The following YAE1 variants were observed in gnomAD, a reference collection of about 807,000 sequenced individuals.
The protein encoded by YAE1 is YAE1 maturation factor of ABCE1, also known as protein YAE1 homolog.
YAE1 carries 22 observed loss-of-function variants against 23.0 expected under a neutral mutation model. That is an observed-to-expected ratio of 0.96 (90% confidence interval 0.68 to 1.37). The LOEUF is 1.37. Among genes scored for constraint, YAE1 ranks in the 40% most tolerant of loss-of-function variants. YAE1 has a pLI of 0.00. For synonymous variants in YAE1, 101 were observed against 97.0 expected (o/e 1.04, Z -0.24); for missense variants, 260 against 262.1 (o/e 0.99, Z 0.06).
chr7:39,572,574 A>G lies in YAE1; in HGVS notation c.549A>G (p.Val183=). Residue 183 remains valine, a synonymous_variant, in exon 3 of 3, where the codon GTA becomes GTG. Transcript: ENST00000223273. The part of the protein sequence containing the change: ...KSHSGIDCSY[V]ECCRTQEHAH... ...ATAGTGGGATAGATTGTTCATATGTAGAATGTTGTAGAACACAGGAGCATG... is the reference window on the plus strand; with the variant it reads ...ATAGTGGGATAGATTGTTCATATGTGGAATGTTGTAGAACACAGGAGCATG... The G allele has an allele frequency of 6.2e-7, 1 of 1,614,152 alleles. No individual in the cohort carries two copies. The highest frequency in any genetic ancestry group is 1.1e-5 in the South Asian group (1 of 91,076).
At chr7:39,610,324 A>G, downstream of YAE1, 1 of 484,998 alleles carries the variant, frequency 2.1e-6, no homozygotes, top group Non-Finnish European at 4.0e-6. Context: ...ACCTCAAGGC[A>G]TGGTTGCTAT....
intron 2 of YAE1, among the ~76,000 whole-genome samples, chr7:39,586,365 G>A (rs1348104013): frequency 6.7e-5 from 10 of 150,174 alleles, no homozygotes; most frequent in African/African-American, 2.2e-4. Flanking sequence ...ATAGAGACGG[G>A]GTTTCACCGT....
intron 2 of YAE1, among the ~76,000 whole-genome samples, chr7:39,595,938 C>T (rs1245914286): frequency 6.6e-6 from 1 of 152,184 alleles, no homozygotes; most frequent in Admixed American, 6.5e-5. Context: ...ATATATACAG[C>T]AGTTATTTCT....
chr7:39,570,440 C>G (rs1790546973), intron 1 of YAE1, 66 bp from the exon 2 acceptor site: 2 of 1,579,186 alleles, frequency 1.3e-6, no homozygotes, highest in Non-Finnish European at 1.7e-6. Context: ...TGGTTCTGTA[C>G]TTTTCTAGAA....
intron 1 of YAE1, chr7:39,569,330 A>C: frequency 3.1e-6 from 1 of 325,168 alleles, no homozygotes; most frequent in Non-Finnish European, 6.2e-6. Context: ...AGAAATAATC[A>C]GTCTTCTGTT....
intron 2 of YAE1, among the ~76,000 whole-genome samples, chr7:39,586,739 C>T (rs1790823321): frequency 1.3e-5 from 2 of 152,114 alleles, no homozygotes; most frequent in African/African-American, 4.8e-5. Context: ...CCTCGTGATC[C>T]GCTCACCTCG....
At chr7:39,606,996 T>C (rs551565170) in intron 2 of YAE1, among the ~76,000 whole-genome samples, 178 of 152,364 alleles carry the variant, frequency 1.2e-3, no homozygotes, top group African/African-American at 3.8e-3. Flanking sequence ...TCTAGTGGTT[T>C]GCTTGCTATC....
At chr7:39,604,623 A>G (rs1320353716) in intron 2 of YAE1, among the ~76,000 whole-genome samples, 1 of 152,228 alleles carries the variant, frequency 6.6e-6, no homozygotes, top group Non-Finnish European at 1.5e-5. Flanking sequence ...AACTTGAAAT[A>G]ATATTAAGGC....
chr7:39,566,474 T>A lies in YAE1; in HGVS notation c.56T>A (p.Val19Glu). The A allele has an allele frequency of 6.2e-7, 1 of 1,614,078 alleles. No individual in the cohort carries two copies. The highest frequency in any genetic ancestry group is 8.5e-7 in the Non-Finnish European group (1 of 1,180,004). ...LIQGPGDKGDVFDEEADESLL... is the reference protein window; with the variant it reads ...LIQGPGDKGDEFDEEADESLL... ...CAGGGCCCTGGAGACAAAGGGGACG[T>A]GTTTGACGAAGAAGCAGACGAGTCG... is the stretch of plus-strand genomic sequence containing the variant. The change falls in exon 1 of 3, where the codon GTG (valine) becomes GAG (glutamate). Residue 19 changes from valine to glutamate, a missense_variant. Val to Glu is a moderately radical substitution (Grantham distance 121). Transcript: ENST00000223273.
At chr7:39,587,776 G>A (rs183010660) in intron 2 of YAE1, among the ~76,000 whole-genome samples, 1 of 135,076 alleles carries the variant, frequency 7.4e-6, no homozygotes. Context: ...AAAATCATGT[G>A]TGTAGGTAAG....
At chr7:39,593,089 A>G (rs1224796196) in intron 2 of YAE1, among the ~76,000 whole-genome samples, 1 of 144,678 alleles carries the variant, frequency 6.9e-6, no homozygotes, top group African/African-American at 2.6e-5. Flanking sequence ...TTCTCCTTTT[A>G]TCTCCAATCT....
At chr7:39,600,751 C>T (rs1488599084) in intron 2 of YAE1, among the ~76,000 whole-genome samples, 5 of 152,078 alleles carry the variant, frequency 3.3e-5, no homozygotes, top group African/African-American at 4.8e-5. Context: ...CTAGGGAGAA[C>T]GCCACGTGAA....
intron 2 of YAE1, among the ~76,000 whole-genome samples, chr7:39,598,503 G>T (rs752649608): frequency 6.6e-6 from 1 of 151,534 alleles, no homozygotes; most frequent in Non-Finnish European, 1.5e-5. Context: ...CAGGCAAGGT[G>T]CAGTGGCTCA....
intron 2 of YAE1, among the ~76,000 whole-genome samples, chr7:39,579,629 C>T (rs1022263602): frequency 2.0e-5 from 3 of 149,706 alleles, no homozygotes; most frequent in Non-Finnish European, 4.4e-5. Context: ...GATCACGCCA[C>T]TGCACTCCAG....
chr7:39,571,470 T>C (rs942263052), intron 2 of YAE1, among the ~76,000 whole-genome samples: 9 of 151,996 alleles, frequency 5.9e-5, no homozygotes, highest in African/African-American at 2.2e-4. Context: ...GAGTAGATGA[T>C]AAAAGTTACC....
downstream of YAE1, among the ~76,000 whole-genome samples, chr7:39,574,473 C>G (rs771084114): frequency 1.3e-5 from 2 of 152,086 alleles, no homozygotes; most frequent in African/African-American, 4.8e-5. Context: ...TGGCTCATGC[C>G]TGTAATCCTA....
At chr7:39,582,280 C>T (rs1015614772) in intron 2 of YAE1, among the ~76,000 whole-genome samples, 4 of 151,980 alleles carry the variant, frequency 2.6e-5, no homozygotes, top group Non-Finnish European at 4.4e-5. Flanking sequence ...TGATCCTCCT[C>T]CCTCGGCCTC....
In YAE1 at chr7:39,566,489, C is replaced by T; in HGVS notation, c.71C>T (p.Ala24Val). 1 of 1,614,192 alleles carries T rather than the reference C, an allele frequency of 6.2e-7. No homozygotes were observed. The highest frequency in any genetic ancestry group is 8.5e-7 in the Non-Finnish European group (1 of 1,180,030). The stretch of plus-strand genomic sequence containing the variant: ...AAAGGGGACGTGTTTGACGAAGAAG[C>T]AGACGAGTCGCTCCTGGCGCAGCGG... The part of the protein sequence containing the change: ...GDKGDVFDEE[A>V]DESLLAQREW... Residue 24 changes from alanine (A) to valine (V), a missense_variant, in exon 1 of 3, where the codon GCA becomes GTA. Transcript: ENST00000223273.
chr7:39,580,094 T>A (rs1031041705), intron 2 of YAE1, among the ~76,000 whole-genome samples: 1 of 152,072 alleles, frequency 6.6e-6, no homozygotes, highest in Non-Finnish European at 1.5e-5. Context: ...GAACAAAAAA[T>A]TTACCAGATT....
Sources: gnomAD v4.1 joint callset for allele counts (sites outside exome capture counted in the v4.1 genomes callset) on GRCh38, gnomAD v4.1.1 for gene constraint, MANE v1.5 for transcripts, NCBI Gene and HGNC (gene_info 2026-07-23, HGNC 2026-07-21) for gene names.